Variants in ERCC6L observed in about 807,000 individuals in gnomAD.
The protein encoded by ERCC6L is ERCC excision repair 6 like, spindle assembly checkpoint helicase, also known as DNA excision repair protein ERCC-6-like.
Under a neutral mutation model 20.1 loss-of-function variants are expected in ERCC6L, and 7 were observed. That is an observed-to-expected ratio of 0.35 (90% confidence interval 0.20 to 0.65). The LOEUF is 0.65. Ranked by LOEUF, ERCC6L falls within the 30% of genes least tolerant of loss-of-function variation. The pLI is 0.69. For synonymous variants in ERCC6L, 278 were observed against 331.3 expected, an observed-to-expected ratio of 0.84 and a Z score of 1.75; for missense variants, 592 against 892.4, an observed-to-expected ratio of 0.66 and a Z score of 4.29.
chrX:72,217,840 C>T (rs1257029736), intron 1 of ERCC6L, among the ~76,000 whole-genome samples: 1 of 112,086 alleles, frequency 8.9e-6, no homozygotes, highest in Non-Finnish European at 1.9e-5. Context: ...GTGTAGAACT[C>T]TTGCTTCTAT....
rs746980694 is a variant in ERCC6L, at chrX:72,205,785, A to G, written c.2982T>C (p.His994=). The G allele has an allele frequency of 4.7e-5, 57 of 1,210,393 alleles. No individual in the cohort carries two copies. The South Asian group carries it at 9.1e-4, about 19-fold the overall frequency. ...ACTCCCAACTGAGACATGTTTTGCT[A>G]TGCACAAACCCTGCTCTGGAATTAG... ...SAPNSRAGFV[H]SKTCLSWEFS... is the part of the protein sequence containing the mutation. Residue 994 remains histidine (H), a synonymous_variant, in exon 2 of 2, where the codon CAT becomes CAC. Transcript: ENST00000334463.
chrX:72,215,170 A>G (rs2042881063), intron 1 of ERCC6L, among the ~76,000 whole-genome samples: 1 of 112,137 alleles, frequency 8.9e-6, no homozygotes, highest in Non-Finnish European at 1.9e-5. Flanking sequence ...ATCAAGTTCT[A>G]AAATAGGCAA....
intron 1 of ERCC6L, among the ~76,000 whole-genome samples, chrX:72,215,603 G>A (rs2042883351): frequency 9.0e-6 from 1 of 111,423 alleles, no homozygotes; most frequent in African/African-American, 3.3e-5. Flanking sequence ...AGACTAAAAA[G>A]ACTGCTTTGC....
intron 1 of ERCC6L, among the ~76,000 whole-genome samples, chrX:72,210,377 C>A (rs1445977320): frequency 9.0e-6 from 1 of 111,031 alleles, no homozygotes; most frequent in African/African-American, 3.3e-5. Flanking sequence ...TGGGAAAATA[C>A]CAAGTGTTGG....
chrX:72,206,117 G>C lies in ERCC6L; in HGVS notation c.2650C>G (p.Leu884Val). The C allele has an allele frequency of 1.7e-6, 2 of 1,211,629 alleles. No homozygotes were observed. The highest frequency in any genetic ancestry group is 2.2e-6 in the Non-Finnish European group (2 of 895,421). ...TGACGTAAAATCTCATCATCCTTTAGTTGATCTAAATTTGGCCCAATATCA... is the reference window on the plus strand; with the variant it reads ...TGACGTAAAATCTCATCATCCTTTACTTGATCTAAATTTGGCCCAATATCA... ...KADIGPNLDQ[L>V]KDDEILRHCN... The change falls in exon 2 of 2, where the codon CTA (leucine) becomes GTA (valine). Residue 884 changes from leucine (L) to valine (V), a missense_variant. By Grantham distance (32) the Leu-to-Val change is conservative (BLOSUM62 1). Transcript: ENST00000334463.
At chrX:72,212,642 T>G (rs1044101096) in intron 1 of ERCC6L, among the ~76,000 whole-genome samples, 11 of 112,260 alleles carry the variant, frequency 9.8e-5, no homozygotes, top group Non-Finnish European at 1.5e-4. Flanking sequence ...CAAAGTTATT[T>G]TAGAATGTGA....
intron 1 of ERCC6L, among the ~76,000 whole-genome samples, chrX:72,237,613 A>AG (rs1296994360): frequency 4.7e-5 from 5 of 106,677 alleles, no homozygotes; most frequent in Non-Finnish European, 9.7e-5. Context: ...GAAAAAAAAA[A>AG]AATAGCTGGG....
intron 1 of ERCC6L, among the ~76,000 whole-genome samples, chrX:72,217,211 G>A (rs1249232689): frequency 4.5e-5 from 5 of 111,723 alleles, no homozygotes; most frequent in South Asian, 3.8e-4. Context: ...GCACTAAAAT[G>A]TTCAGGTCTG....
Position 72,234,954 on chromosome X carries a change from G to A in ERCC6L, c.68+3890C>T, listed in dbSNP as rs191097670. ...TACTATGATTGCCAGGCAGCATGAA[G>A]GGCCTGCTTGACATCGATATTGATG... On this transcript the variant is annotated intron_variant, in intron 1 of 1. Coordinates refer to ENST00000334463, the MANE Select transcript of ERCC6L (RefSeq NM_017669.4). Among the ~76,000 whole-genome samples the A allele has an allele frequency of 2.7e-5, 3 of 111,670 alleles. No homozygotes were observed. In the East Asian group the frequency reaches 8.4e-4, roughly 31 times the overall value.
rs1243203630 is a variant in ERCC6L at position 72,206,476 on chromosome X, T to A, written c.2291A>T (p.Gln764Leu). Reference sequence around the variant, plus strand: ...CATTTTGGAACTGATATCTTCTTCCTGAGTATGATGAGTACTTAGAAGAGG... The same window carrying A: ...CATTTTGGAACTGATATCTTCTTCCAGAGTATGATGAGTACTTAGAAGAGG... ...PSPLLSTHHTQEEDISSKMAS... is the reference protein window; with the variant it reads ...PSPLLSTHHTLEEDISSKMAS... Residue 764 changes from glutamine to leucine, a missense_variant, in exon 2 of 2, where the codon CAG (glutamine) becomes CTG (leucine). Transcript: ENST00000334463. 2.5e-6 allele frequency: 3 copies of A among 1,211,160 alleles called. No individual in the cohort carries two copies. Among genetic ancestry groups the A allele is most frequent in the Non-Finnish European group, 3.4e-6 (3 of 895,348 alleles).
At chrX:72,233,688 C>T (rs1427330718) in intron 1 of ERCC6L, among the ~76,000 whole-genome samples, 2 of 100,999 alleles carry the variant, frequency 2.0e-5, no homozygotes, top group Non-Finnish European at 3.9e-5. Context: ...CGCCACCACA[C>T]TCCAGCCCGG....
intron 1 of ERCC6L, among the ~76,000 whole-genome samples, chrX:72,221,650 A>G (rs887893805): frequency 1.8e-5 from 2 of 111,328 alleles, no homozygotes; most frequent in African/African-American, 6.5e-5. Flanking sequence ...AATACACATT[A>G]GATAATGACA....
chrX:72,208,614 A>C lies in ERCC6L; in HGVS notation c.153T>G (p.Phe51Leu). The C allele has an allele frequency of 8.3e-7, 1 of 1,210,957 alleles. No homozygotes were observed. Among genetic ancestry groups the C allele is most frequent in the South Asian group, 1.8e-5 (1 of 56,875 alleles). Residue 51 changes from phenylalanine to leucine, a missense_variant, in exon 2 of 2, where the codon TTT (phenylalanine) becomes TTG (leucine). Physicochemically the swap from Phe to Leu is conservative, Grantham distance 22 (BLOSUM62 0). This residue lies in a region of ERCC6L where 44 missense variants were observed against 49.8 expected (regional missense o/e 0.88). Transcript: ENST00000334463. The stretch of plus-strand genomic sequence containing the variant: ...TTCTGCTCAGCACTTTTTCATTGGG[A>C]AAAATGTCCTTTGCCAAATTGAAAA... The part of the protein sequence containing the change: ...FKLFNLAKDI[F>L]PNEKVLSRIQ...
chrX:72,214,978 C>T (rs2042879983), intron 1 of ERCC6L, among the ~76,000 whole-genome samples: 1 of 111,536 alleles, frequency 9.0e-6, no homozygotes, highest in Admixed American at 9.6e-5. Flanking sequence ...AAAAGCAAGA[C>T]TCTGACTCAA....
At chrX:72,213,505 T>C (rs2042868875) in intron 1 of ERCC6L, among the ~76,000 whole-genome samples, 1 of 111,935 alleles carries the variant, frequency 8.9e-6, no homozygotes, top group Admixed American at 9.4e-5. Context: ...TTCTGGTCTG[T>C]GTTTGTTACG....
chrX:72,206,072 TA>T lies in ERCC6L; in HGVS notation c.2694del (p.Ile899PhefsTer3). On this transcript the variant is annotated frameshift_variant, in exon 2 of 2. Coordinates refer to ENST00000334463, the MANE Select transcript of ERCC6L (RefSeq NM_017669.4). LOFTEE classifies it low-confidence loss of function (END_TRUNC). Reference sequence around the variant, plus strand: ...TTTTGACTTTCATTTGTTATGGAAATAATGGGCCAAGGATTGCAATGACGTA... The same window carrying T: ...TTTTGACTTTCATTTGTTATGGAAATATGGGCCAAGGATTGCAATGACGTA... ...EILRHCNPWP[I>X]ISITNESQNA... The T allele has an allele frequency of 8.3e-7, 1 of 1,211,072 alleles. No individual in the cohort carries two copies. The highest frequency in any genetic ancestry group is 1.8e-5 in the South Asian group (1 of 56,821).
Position 72,205,733 on chromosome X carries a change from C to T in ERCC6L, c.3034G>A (p.Glu1012Lys), listed in dbSNP as rs368082499. 2.5e-6 allele frequency: 3 copies of T among 1,210,317 alleles called. No homozygotes were observed. Among genetic ancestry groups the T allele is most frequent in the Admixed American group, 2.2e-5 (1 of 45,754 alleles). Residue 1012 changes from glutamate to lysine, a missense_variant, in exon 2 of 2, where the codon GAA becomes AAA. By Grantham distance (56) the Glu-to-Lys change is moderately conservative (BLOSUM62 1). Transcript: ENST00000334463. ...CTGATTTTTGCTTTAACTACTACTT[C>T]TTCTGGTTCATCGTCTTTCTCAGAA... Reference protein sequence around the residue: ...EFSEKDDEPEEVVVKAKIRSK... With the variant: ...EFSEKDDEPEKVVVKAKIRSK...
rs2042818198 is a variant in ERCC6L, at chrX:72,206,131, G to A, written c.2636C>T (p.Pro879Leu). Residue 879 changes from proline (P) to leucine (L), a missense_variant, in exon 2 of 2, where the codon CCA (proline) becomes CTA (leucine). By Grantham distance (98) the Pro-to-Leu change is moderately conservative. Transcript: ENST00000334463. ...ATCATCCTTTAGTTGATCTAAATTTGGCCCAATATCAGCTTTGGTTGATTT... is the reference window on the plus strand; with the variant it reads ...ATCATCCTTTAGTTGATCTAAATTTAGCCCAATATCAGCTTTGGTTGATTT... Reference protein sequence around the residue: ...LSKSTKADIGPNLDQLKDDEI... With the variant: ...LSKSTKADIGLNLDQLKDDEI... The A allele has an allele frequency of 8.3e-7, 1 of 1,211,584 alleles. No homozygotes were observed. The highest frequency in any genetic ancestry group is 1.8e-5 in the South Asian group (1 of 56,942).
At chrX:72,231,578 G>T (rs183764253) in intron 1 of ERCC6L, among the ~76,000 whole-genome samples, 1 of 109,282 alleles carries the variant, frequency 9.2e-6, no homozygotes, top group Non-Finnish European at 1.9e-5. Context: ...TTGAGACAGG[G>T]TCTCCCTCTG....
Sources: allele counts gnomAD v4.1 joint callset (sites outside exome capture counted in the v4.1 genomes callset), GRCh38; gene constraint gnomAD v4.1.1; regional missense constraint gnomAD v4.1.1; transcripts MANE v1.5; gene names NCBI Gene and HGNC (gene_info 2026-07-23, HGNC 2026-07-21).